The following PRKN variants were observed in gnomAD, a reference collection of about 807,000 sequenced individuals.
PRKN encodes the protein E3 ubiquitin-protein ligase parkin.
Under a neutral mutation model 59.5 loss-of-function variants are expected in PRKN, and 56 were observed. The ratio of observed to expected loss-of-function variants is 0.94; its 90% CI spans 0.76 to 1.18. The LOEUF (loss-of-function observed/expected upper bound fraction) is 1.18. PRKN is among the 50% of genes most tolerant of loss of function. The pLI, the probability that PRKN is intolerant of heterozygous loss-of-function variation, is 0.00. For synonymous variants in PRKN, 250 were observed against 222.1 expected (o/e 1.13, Z -1.12); for missense variants, 657 against 596.4 (o/e 1.10, Z -1.06).
Position 161,354,052 on chromosome 6 carries a change from G to T in PRKN, c.1286-3841C>A, listed in dbSNP as rs1429601731. On this transcript the variant is annotated intron_variant, in intron 11 of 11. Transcript: ENST00000366898. The surrounding 1 kb of genome is among the most constrained non-coding windows in gnomAD (Gnocchi z 6.7). Reference sequence around the variant, plus strand: ...TAATACCAAGCATTTAATGAATCTGGGATACTAGCATTGTAAATGATATCT... The same window carrying T: ...TAATACCAAGCATTTAATGAATCTGTGATACTAGCATTGTAAATGATATCT... 6.6e-6 allele frequency among the ~76,000 whole-genome samples: 1 copy of T among 152,130 alleles called. No homozygotes were observed. Among genetic ancestry groups the T allele is most frequent in the Non-Finnish European group, 1.5e-5 (1 of 68,020 alleles).
At position 161,576,830 on chromosome 6, in the gene PRKN, A is replaced by G. The variant is rs1053294952; in HGVS notation, c.872-7414T>C. Reference sequence around the variant, plus strand: ...ACAGATTTTTAGGAATTGAGTTAATATGAGTTAGCTAGAGTGAAATGTATC... The same window carrying G: ...ACAGATTTTTAGGAATTGAGTTAATGTGAGTTAGCTAGAGTGAAATGTATC... On this transcript the variant is annotated intron_variant, in intron 7 of 11. Transcript: ENST00000366898. The surrounding 1 kb of genome is among the most constrained non-coding windows in gnomAD (Gnocchi z 4.6). Among the ~76,000 whole-genome samples, 2 of 152,358 alleles carry G rather than the reference A, an allele frequency of 1.3e-5. No individual in the cohort carries two copies. Among genetic ancestry groups the G allele is most frequent in the South Asian group, 2.1e-4 (1 of 4,832 alleles).
intron 2 of PRKN, among the ~76,000 whole-genome samples, chr6:162,386,570 C>T (rs1786823970): frequency 6.6e-6 from 1 of 152,180 alleles, no homozygotes; most frequent in South Asian, 2.1e-4. Context: ...CCCTGGACTC[C>T]CAGAATGGTT....
chr6:162,557,373 C>T (rs1481823490), intron 1 of PRKN, among the ~76,000 whole-genome samples: 3 of 152,218 alleles, frequency 2.0e-5, no homozygotes, highest in Non-Finnish European at 4.4e-5. Flanking sequence ...ACACCATTCC[C>T]CCCAGGGCAC....
Position 161,529,091 on chromosome 6 carries a change from T to C in PRKN, c.1083+19763A>G, listed in dbSNP as rs187002946. On this transcript the variant is annotated intron_variant, in intron 9 of 11. Transcript: ENST00000366898. This position sits in a 1 kb window ranked among gnomAD's most constrained non-coding sequence, Gnocchi z 4.4. ...ACTTAAAACAGCTGTCTTATGTCTA[T>C]GAGATATACGAGCCACAACCACAGA... 1.2e-4 allele frequency among the ~76,000 whole-genome samples: 18 copies of C among 152,310 alleles called. 1 individual carries two copies. In the East Asian group the frequency reaches 3.3e-3, roughly 28 times the overall value.
At chr6:162,258,947 G>A (rs1202563806) in intron 3 of PRKN, among the ~76,000 whole-genome samples, 1 of 152,060 alleles carries the variant, frequency 6.6e-6, no homozygotes, top group African/African-American at 2.4e-5. Context: ...CACCTTCTCG[G>A]GTTTCAGAAG....
Position 162,083,414 on chromosome 6 carries a change from G to T in PRKN, c.535-29240C>A, listed in dbSNP as rs184229350. Among the ~76,000 whole-genome samples the T allele has an allele frequency of 1.8e-3, 268 of 152,092 alleles. 1 individual carries two copies. The highest frequency in any genetic ancestry group is 6.2e-3 in the African/African-American group (257 of 41,422). On this transcript the variant is annotated intron_variant, in intron 4 of 11. Transcript: ENST00000366898. Reference sequence around the variant, plus strand: ...CCGGGTTTCCACAAACCTTCAATTTGTAAAAAATACAATACCAGAGAAGGG... The same window carrying T: ...CCGGGTTTCCACAAACCTTCAATTTTTAAAAAATACAATACCAGAGAAGGG...
In PRKN at chr6:161,360,212, A is replaced by G. The variant is rs570053526; in HGVS notation, c.1168-7T>C. 1 of 1,603,334 alleles carries G rather than the reference A, an allele frequency of 6.2e-7. No individual in the cohort carries two copies. The highest frequency in any genetic ancestry group is 1.1e-5 in the South Asian group (1 of 90,876). Reference sequence around the variant, plus strand: ...TTTCATCGACTCTGTAGGCCTGGGGAAACAAAGAGGAAAGGCGTTTAATCT... The same window carrying G: ...TTTCATCGACTCTGTAGGCCTGGGGGAACAAAGAGGAAAGGCGTTTAATCT... On this transcript the variant is annotated splice_region_variant and splice_polypyrimidine_tract_variant and intron_variant, in intron 10 of 11. Transcript: ENST00000366898. The surrounding 1 kb of genome is among the most constrained non-coding windows in gnomAD (Gnocchi z 5.1).
chr6:161,365,915 C>T (rs1239446774), intron 10 of PRKN, among the ~76,000 whole-genome samples: 1 of 152,168 alleles, frequency 6.6e-6, no homozygotes, highest in Non-Finnish European at 1.5e-5. Flanking sequence ...GGGTTTGATC[C>T]TTAGACTGGA....
intron 6 of PRKN, among the ~76,000 whole-genome samples, chr6:161,817,335 A>T (rs1345426523): frequency 6.6e-6 from 1 of 152,226 alleles, no homozygotes; most frequent in East Asian, 1.9e-4. Flanking sequence ...TAGCCCCCTC[A>T]GAACTGGAGA....
At chr6:162,709,511 A>G (rs1778451390) in intron 1 of PRKN, among the ~76,000 whole-genome samples, 1 of 152,122 alleles carries the variant, frequency 6.6e-6, no homozygotes, top group South Asian at 2.1e-4. Flanking sequence ...CCCCAAACTC[A>G]GAGTTCCTTA....
At chr6:162,530,132 C>G (rs1778451206) in intron 1 of PRKN, among the ~76,000 whole-genome samples, 1 of 116,480 alleles carries the variant, frequency 8.6e-6, no homozygotes, top group Admixed American at 8.7e-5. Flanking sequence ...CTAACTCAGT[C>G]TCAATAAAAA....
chr6:162,124,022 C>G (rs971978802), intron 4 of PRKN, among the ~76,000 whole-genome samples: 12 of 152,098 alleles, frequency 7.9e-5, no homozygotes, highest in African/African-American at 2.9e-4. Flanking sequence ...GGCAGCAGCA[C>G]ACAACCCGAG....
intron 1 of PRKN, among the ~76,000 whole-genome samples, chr6:162,445,485 AAGACCAGCCTGGGCAACAAAGTG>A (rs1020112909): frequency 2.6e-5 from 4 of 152,012 alleles, no homozygotes; most frequent in Admixed American, 2.6e-4. Flanking sequence ...CCAGAAGTTC[AAGACCAGCCTGGGCAACAAAGTG>A]AGACCCCATC....
At chr6:161,558,959 C>T (rs1205671991) in intron 8 of PRKN, among the ~76,000 whole-genome samples, 1 of 148,192 alleles carries the variant, frequency 6.7e-6, no homozygotes, top group Non-Finnish European at 1.5e-5. Flanking sequence ...AGTGAATTGG[C>T]TAGAGAAAGG....
intron 4 of PRKN, among the ~76,000 whole-genome samples, chr6:162,084,972 C>G (rs1779195069): frequency 6.6e-6 from 1 of 151,206 alleles, no homozygotes; most frequent in African/African-American, 2.4e-5. Context: ...CCAATTCAAA[C>G]AAAAAAGGTT....
chr6:162,312,101 T>C (rs910460983), intron 2 of PRKN, among the ~76,000 whole-genome samples: 2 of 152,106 alleles, frequency 1.3e-5, no homozygotes, highest in Admixed American at 1.3e-4. Flanking sequence ...CATTGGCAGA[T>C]AAAGAAACAG....
intron 2 of PRKN, among the ~76,000 whole-genome samples, chr6:162,332,778 AG>A (rs1272682340): frequency 1.3e-5 from 2 of 152,176 alleles, no homozygotes; most frequent in East Asian, 3.9e-4. Context: ...CATCCACGAC[AG>A]CCCCCAACCC....
intron 8 of PRKN, among the ~76,000 whole-genome samples, chr6:161,553,748 A>G (rs1055430838): frequency 2.6e-5 from 4 of 152,200 alleles, no homozygotes; most frequent in South Asian, 2.1e-4. Flanking sequence ...AAACTTAAAC[A>G]TATTATGTGT....
chr6:161,729,830 T>G (rs1271301802), intron 7 of PRKN, among the ~76,000 whole-genome samples: 4 of 150,726 alleles, frequency 2.7e-5, no homozygotes, highest in Non-Finnish European at 5.9e-5. Context: ...TTCTGACATG[T>G]TGCATTCTTT....
Sources: allele counts gnomAD v4.1 joint callset (sites outside exome capture counted in the v4.1 genomes callset), GRCh38; gene constraint gnomAD v4.1.1; non-coding constraint Gnocchi (gnomAD v3.1); transcripts MANE v1.5; gene names NCBI Gene and HGNC (gene_info 2026-07-23, HGNC 2026-07-21).